The following TAF4B variants were observed in gnomAD, a reference collection of about 807,000 sequenced individuals.
TAF4B encodes the protein transcription initiation factor TFIID subunit 4B.
A neutral mutation model predicts 86.4 loss-of-function variants in TAF4B; 38 were observed. That is an observed-to-expected ratio of 0.44 (90% CI 0.34 to 0.58). The LOEUF (loss-of-function observed/expected upper bound fraction) is 0.58, where lower values mean the gene tolerates loss of function less well. TAF4B is among the 20% of genes least tolerant of loss of function. TAF4B has a pLI of 0.02. For missense variants in TAF4B, 988 were observed against 1,027.6 expected (o/e 0.96, Z 0.53); for synonymous variants, 388 against 391.2 (o/e 0.99, Z 0.10).
intron 10 of TAF4B, among the ~76,000 whole-genome samples, chr18:26,319,274 T>G (rs2056939556): frequency 6.6e-6 from 1 of 151,960 alleles, no homozygotes; most frequent in South Asian, 2.1e-4. Flanking sequence ...GGCAGATCAC[T>G]TGAGGTCAGG....
intron 14 of TAF4B, among the ~76,000 whole-genome samples, chr18:26,381,169 C>CA (rs1407888365): frequency 5.3e-5 from 8 of 151,946 alleles, no homozygotes; most frequent in African/African-American, 1.9e-4. Context: ...CACACACCAC[C>CA]ACGCCTGGCT....
chr18:26,355,235 G>A (rs543550286), intron 13 of TAF4B, among the ~76,000 whole-genome samples: 1 of 152,232 alleles, frequency 6.6e-6, no homozygotes, highest in African/African-American at 2.4e-5. Flanking sequence ...CTTGCATCTT[G>A]TAATATTGCT....
At chr18:26,273,746 C>T (rs1322605148) in intron 3 of TAF4B, among the ~76,000 whole-genome samples, 2 of 152,150 alleles carry the variant, frequency 1.3e-5, no homozygotes, top group Non-Finnish European at 2.9e-5. Flanking sequence ...ATATTCCAGT[C>T]TCTCTAATGT....
intron 1 of TAF4B, among the ~76,000 whole-genome samples, chr18:26,241,566 T>A (rs916331228): frequency 6.6e-6 from 1 of 152,160 alleles, no homozygotes; most frequent in African/African-American, 2.4e-5. Context: ...TTTGAAGGGT[T>A]TTTTGTGTCT....
chr18:26,360,815 C>G (rs1209349121), intron 14 of TAF4B, among the ~76,000 whole-genome samples: 1 of 152,190 alleles, frequency 6.6e-6, no homozygotes, highest in African/African-American at 2.4e-5. Flanking sequence ...TTTCTGTACA[C>G]TCTGAACCAG....
At chr18:26,284,200 A>T (rs1377972462) in intron 6 of TAF4B, among the ~76,000 whole-genome samples, 1 of 152,222 alleles carries the variant, frequency 6.6e-6, no homozygotes, top group Non-Finnish European at 1.5e-5. Flanking sequence ...TCCTAACTTC[A>T]TACTTTTCTT....
intron 10 of TAF4B, 86 bp from the exon 11 acceptor site, chr18:26,320,984 C>T: frequency 1.4e-5 from 21 of 1,532,344 alleles, no homozygotes; most frequent in Non-Finnish European, 1.9e-5. Context: ...GTATGACTTC[C>T]AGGGGGAACA....
rs767705109 is a variant in TAF4B, at chr18:26,274,993, T to C, written c.822T>C (p.Cys274=). The C allele has an allele frequency of 6.2e-7, 1 of 1,612,772 alleles. No homozygotes were observed. ...TTGCAATGTTAATAAAACTAGCATG[T>C]AGTGGATCACAGTCCCCAGAAATGG... The part of the protein sequence containing the change: ...NFLAMLIKLA[C]SGSQSPEMGQ... The change falls in exon 5 of 15, where the codon TGT becomes TGC. Residue 274 remains cysteine, a synonymous_variant. Transcript: ENST00000269142.
intron 14 of TAF4B, among the ~76,000 whole-genome samples, chr18:26,382,918 T>A (rs1183405918): frequency 6.6e-6 from 1 of 152,208 alleles, no homozygotes; most frequent in Admixed American, 6.5e-5. Context: ...TGGGGTAAGT[T>A]TGTGTTTGTA....
At chr18:26,307,505 C>T (rs1166698825) in intron 9 of TAF4B, among the ~76,000 whole-genome samples, 1 of 152,006 alleles carries the variant, frequency 6.6e-6, no homozygotes, top group African/African-American at 2.4e-5. Context: ...GAATTAATAT[C>T]AATATTTTTA....
At chr18:26,247,715 C>T (rs921864213) in intron 1 of TAF4B, among the ~76,000 whole-genome samples, 1 of 152,030 alleles carries the variant, frequency 6.6e-6, no homozygotes, top group Non-Finnish European at 1.5e-5. Flanking sequence ...AATCCTGTCC[C>T]TACTGAAAGC....
intron 14 of TAF4B, among the ~76,000 whole-genome samples, chr18:26,373,184 A>C (rs2057418512): frequency 6.6e-6 from 1 of 152,152 alleles, no homozygotes; most frequent in Admixed American, 6.5e-5. Context: ...TTTAAAGGCA[A>C]CATGCACCTC....
At chr18:26,322,003 T>G (rs879922582) in intron 11 of TAF4B, among the ~76,000 whole-genome samples, 2 of 152,116 alleles carry the variant, frequency 1.3e-5, no homozygotes, top group African/African-American at 4.8e-5. Context: ...GATGTAGTTT[T>G]GGAGGAGGGC....
At chr18:26,259,239 T>C (rs1231387071) in intron 1 of TAF4B, among the ~76,000 whole-genome samples, 2 of 151,738 alleles carry the variant, frequency 1.3e-5, no homozygotes, top group East Asian at 1.9e-4. Context: ...CCTATGTTGG[T>C]GTCTTTAATG....
intron 9 of TAF4B, among the ~76,000 whole-genome samples, chr18:26,299,558 T>TC (rs558634895): frequency 3.3e-5 from 5 of 152,144 alleles, no homozygotes; most frequent in East Asian, 3.9e-4. Context: ...GTCATAGTCT[T>TC]CCCCCCCTCC....
intron 1 of TAF4B, among the ~76,000 whole-genome samples, chr18:26,258,602 T>G (rs1318318990): frequency 6.6e-6 from 1 of 152,220 alleles, no homozygotes; most frequent in African/African-American, 2.4e-5. Flanking sequence ...GAATTTGAAT[T>G]ACTGCCTTGG....
chr18:26,315,195 C>CACACACACACACAAAAA, intron 9 of TAF4B, 34 bp from the exon 10 acceptor site: 1 of 1,093,722 alleles, frequency 9.1e-7, no homozygotes, highest in Non-Finnish European at 1.2e-6. Flanking sequence ...ACACACACAA[C>CACACACACACACAAAAA]CTAAAATGTA....
At chr18:26,268,004 A>G (rs2056263858) in intron 3 of TAF4B, among the ~76,000 whole-genome samples, 1 of 152,200 alleles carries the variant, frequency 6.6e-6, no homozygotes, top group Non-Finnish European at 1.5e-5. Context: ...ATCTTAGTGG[A>G]GAACTTTGGA....
At chr18:26,320,834 G>T (rs1437502547) in intron 10 of TAF4B, among the ~76,000 whole-genome samples, 3 of 152,154 alleles carry the variant, frequency 2.0e-5, no homozygotes, top group Admixed American at 6.5e-5. Flanking sequence ...CTTGCAAGGA[G>T]AATGATTCTA....
Sources: gnomAD v4.1 joint callset for allele counts (sites outside exome capture counted in the v4.1 genomes callset) on GRCh38, gnomAD v4.1.1 for gene constraint, MANE v1.5 for transcripts, NCBI Gene and HGNC (gene_info 2026-07-23, HGNC 2026-07-21) for gene names.